S100PBP: variants seen among roughly 807,000 people sequenced by gnomAD.
The protein encoded by S100PBP is S100P-binding protein.
A neutral mutation model predicts 39.9 loss-of-function variants in S100PBP; 15 were observed. The observed-to-expected ratio is 0.38, with a 90% CI of 0.25 to 0.58. The LOEUF is 0.58. Ranked by LOEUF, S100PBP falls within the 20% of genes least tolerant of loss-of-function variation. The pLI is 0.70. For synonymous variants in S100PBP, 178 were observed against 180.3 expected, an observed-to-expected ratio of 0.99 and a Z score of 0.10; for missense variants, 504 against 487.3, an observed-to-expected ratio of 1.03 and a Z score of -0.32.
chr1:32,856,013 G>A lies in S100PBP; in HGVS notation c.1202G>A (p.Arg401His), dbSNP rs768077391. ...RNMRSHHRFQRLPDFSYS is the reference protein window; with the variant it reads ...RNMRSHHRFQHLPDFSYS ...ATGCGAAGCCACCATCGGTTCCAGCGTCTCCCAGACTTCTCGTACAGTTAA... is the reference window on the plus strand; with the variant it reads ...ATGCGAAGCCACCATCGGTTCCAGCATCTCCCAGACTTCTCGTACAGTTAA... Residue 401 changes from arginine (R) to histidine (H), a missense_variant, in exon 7 of 7, where the codon CGT becomes CAT. Arg to His is a conservative substitution (Grantham distance 29, BLOSUM62 0). Coordinates refer to ENST00000373475, the MANE Select transcript of S100PBP (RefSeq NM_022753.4). 13 of 1,613,046 alleles carry A rather than the reference G, an allele frequency of 8.1e-6. No homozygotes were observed. The highest frequency in any genetic ancestry group is 4.4e-5 in the South Asian group (4 of 91,062).
In S100PBP at chr1:32,821,572, G is replaced by A. The variant is rs568060523; in HGVS notation, c.-119-3741G>A. 1.3e-4 allele frequency among the ~76,000 whole-genome samples: 20 copies of A among 150,850 alleles called. No homozygotes were observed. The South Asian group carries it at 2.3e-3, about 17-fold the overall frequency. On this transcript the variant is annotated intron_variant, in intron 1 of 6. Transcript: ENST00000373475. The stretch of plus-strand genomic sequence containing the variant: ...CCTGACCTCGTGATCCGCCCTCCTC[G>A]GCCTCCCAAAGTGCTAGGATTACAG...
rs56900503 is a variant in S100PBP at position 32,824,827 on chromosome 1, C to CATATATATATATATATATATATAT, written c.-119-467_-119-466insTATATATATATATATATATATATA. The CATATATATATATATATATATATAT allele has an allele frequency of 4.3e-3, 556 of 129,410 alleles. 3 individuals are homozygous for CATATATATATATATATATATATAT. Among genetic ancestry groups the CATATATATATATATATATATATAT allele is most frequent in the African/African-American group, 0.013 (418 of 31,424 alleles). The allele number at this position is 129,410 out of a possible 1,614,324, so 8.0% of individuals were successfully genotyped here. On this transcript the variant is annotated intron_variant, in intron 1 of 6. Coordinates refer to ENST00000373475, the MANE Select transcript of S100PBP (RefSeq NM_022753.4). ...TTTTTTTTTTTGCATTTTTTCTATA[C>CATATATATATATATATATATATAT]ATATATATATATATATATAAAGATT...
In S100PBP at chr1:32,839,826, T is replaced by C. The variant is rs570356666; in HGVS notation, c.1024+9759T>C. Among the ~76,000 whole-genome samples, 5 of 152,218 alleles carry C rather than the reference T, an allele frequency of 3.3e-5. No individual in the cohort carries two copies. The East Asian group carries it at 7.7e-4, about 23-fold the overall frequency. On this transcript the variant is annotated intron_variant, in intron 5 of 6. Transcript: ENST00000373475. ...CACCCAGACTATTTTCTTTTACTTA[T>C]TTGTTTTTTGAGACAGGGTCTCTGT...
At chr1:32,843,953 A>T (rs1161229500) in intron 5 of S100PBP, among the ~76,000 whole-genome samples, 1 of 149,806 alleles carries the variant, frequency 6.7e-6, no homozygotes, top group Non-Finnish European at 1.5e-5. Context: ...TCGCTGTGTC[A>T]CCCAAACTGG....
chr1:32,817,282 C>T (rs1557472800), upstream of S100PBP: 1 of 1,612,674 alleles, frequency 6.2e-7, no homozygotes, highest in East Asian at 2.2e-5. Flanking sequence ...CAGCCCGGCA[C>T]CAGAGCCCCT....
At position 32,826,454 on chromosome 1, in the gene S100PBP, C is replaced by T; in HGVS notation, c.355C>T (p.Leu119=). 1 of 1,614,096 alleles carries T rather than the reference C, an allele frequency of 6.2e-7. No individual in the cohort carries two copies. Among genetic ancestry groups the T allele is most frequent in the Non-Finnish European group, 8.5e-7 (1 of 1,180,016 alleles). Residue 119 remains leucine (L), a synonymous_variant, in exon 3 of 7, where the codon CTA becomes TTA. Transcript: ENST00000373475. ...ETPDLFKLPQ[L]STSSGHGPAH... ...TCCTGACCTCTTCAAACTACCTCAG[C>T]TAAGTACATCAAGTGGTCATGGACC...
rs564486236 is a variant in S100PBP, at chr1:32,848,928, G to A, written c.1025-4151G>A. Among the ~76,000 whole-genome samples, 3 of 152,050 alleles carry A rather than the reference G, an allele frequency of 2.0e-5. No homozygotes were observed. The South Asian group carries it at 6.2e-4, about 31-fold the overall frequency. On this transcript the variant is annotated intron_variant, in intron 5 of 6. Transcript: ENST00000373475. ...TTGCCACAACTTAAAATAAACCCAT[G>A]GTACTGATTGTTGGTCCAAGAAAGC...
chr1:32,835,375 A>G (rs1017282910), intron 5 of S100PBP: 7 of 152,146 alleles, frequency 4.6e-5, no homozygotes, highest in Admixed American at 2.0e-4. Flanking sequence ...TCCTATTGAC[A>G]TGATCCCATT....
At chr1:32,828,280 G>A (rs1393468169) in intron 4 of S100PBP, among the ~76,000 whole-genome samples, 199 bp downstream of exon 4, 2 of 151,876 alleles carry the variant, frequency 1.3e-5, no homozygotes, top group East Asian at 1.9e-4. Context: ...CATGAAATAA[G>A]GCTAATGATG....
At chr1:32,843,778 C>CG (rs1425464132) in intron 5 of S100PBP, among the ~76,000 whole-genome samples, 2 of 151,398 alleles carry the variant, frequency 1.3e-5, no homozygotes, top group African/African-American at 2.4e-5. Context: ...TTAGTAAAGA[C>CG]GGGGTTTCAC....
intron 1 of S100PBP, chr1:32,818,139 G>A (rs928798626): frequency 6.5e-6 from 1 of 152,704 alleles, no homozygotes; most frequent in African/African-American, 2.4e-5. Context: ...CCCGGGAGAG[G>A]AGCGCACAGC....
intron 5 of S100PBP, among the ~76,000 whole-genome samples, chr1:32,833,370 CTTT>C (rs747323217): frequency 1.4e-5 from 2 of 141,170 alleles, no homozygotes; most frequent in Non-Finnish European, 3.1e-5. Context: ...TTATTATTTT[CTTT>C]TTTTTTTTTT....
chr1:32,843,102 TG>T (rs1168655482), intron 5 of S100PBP: 1 of 152,218 alleles, frequency 6.6e-6, no homozygotes, highest in African/African-American at 2.4e-5. Flanking sequence ...AATTGATTTT[TG>T]TGTCTTGGTC....
intron 4 of S100PBP, 130 bp from the exon 5 acceptor site, chr1:32,829,834 G>A (rs2148652101): frequency 1.6e-6 from 1 of 644,160 alleles, no homozygotes; most frequent in African/African-American, 1.8e-5. Context: ...TCTGCCTCTC[G>A]ATCATAAAGA....
rs575272909 is a variant in S100PBP at position 32,843,456 on chromosome 1, G to A, written c.1025-9623G>A. Among the ~76,000 whole-genome samples, 9 of 151,898 alleles carry A rather than the reference G, an allele frequency of 5.9e-5. No individual in the cohort carries two copies. In the South Asian group the frequency reaches 1.7e-3, roughly 28 times the overall value. On this transcript the variant is annotated intron_variant, in intron 5 of 6. Transcript: ENST00000373475. ...ACTACAGGCATGAGCCACCACACCC[G>A]GCTAATTTTTTTTTTTTTGAGATGA...
intron 5 of S100PBP, among the ~76,000 whole-genome samples, chr1:32,844,182 C>T (rs1351161902): frequency 1.3e-5 from 2 of 152,064 alleles, no homozygotes; most frequent in African/African-American, 4.8e-5. Context: ...TCCGCAATTG[C>T]TGGGATTACA....
chr1:32,836,753 GT>G (rs1639835817), intron 5 of S100PBP: 1 of 188,938 alleles, frequency 5.3e-6, no homozygotes, highest in Admixed American at 6.5e-5. Context: ...GTTGAATCCT[GT>G]TTCTTGGATC....
At chr1:32,846,476 C>G (rs933514308) in intron 5 of S100PBP, among the ~76,000 whole-genome samples, 1 of 150,468 alleles carries the variant, frequency 6.6e-6, no homozygotes, top group African/African-American at 2.4e-5. Flanking sequence ...TACTTGTTTT[C>G]TATTTGTTTT....
At chr1:32,826,981 A>G in intron 3 of S100PBP, 51 bp downstream of exon 3, 2 of 1,300,830 alleles carry the variant, frequency 1.5e-6, no homozygotes, top group Non-Finnish European at 2.1e-6. Flanking sequence ...ATTTTTATTC[A>G]GATGTATAGC....
Sources: gnomAD v4.1 joint callset for allele counts (sites outside exome capture counted in the v4.1 genomes callset) on GRCh38, gnomAD v4.1.1 for gene constraint, MANE v1.5 for transcripts, NCBI Gene and HGNC (gene_info 2026-07-23, HGNC 2026-07-21) for gene names.